Variants in CNBD2 observed in about 807,000 individuals in gnomAD.
CNBD2 encodes cyclic nucleotide-binding domain-containing protein 2.
CNBD2 carries 64 observed loss-of-function variants against 63.7 expected under a neutral mutation model. The observed-to-expected ratio is 1.00, with a 90% CI of 0.82 to 1.24. CNBD2 has a LOEUF of 1.24. Ranked by LOEUF, CNBD2 falls within the 50% of genes most tolerant of loss-of-function variation. The pLI is 0.00. For missense variants in CNBD2, 691 were observed against 713.5 expected (o/e 0.97, Z 0.36); for synonymous variants, 229 against 255.4 (o/e 0.90, Z 0.99).
At chr20:35,982,299 C>T (rs896518717) in intron 4 of CNBD2, among the ~76,000 whole-genome samples, 2 of 152,054 alleles carry the variant, frequency 1.3e-5, no homozygotes, top group Non-Finnish European at 2.9e-5. Flanking sequence ...CTTTTTTTTA[C>T]CCATTGTCTC....
At chr20:36,021,960 GTGGC>G (rs2057215012) in intron 10 of CNBD2, among the ~76,000 whole-genome samples, 1 of 152,008 alleles carries the variant, frequency 6.6e-6, no homozygotes, top group Non-Finnish European at 1.5e-5. Flanking sequence ...TGTGGGGTGG[GTGGC>G]TGCAAAGATA....
chr20:35,998,594 C>T (rs1227414689), intron 8 of CNBD2, among the ~76,000 whole-genome samples: 3 of 151,796 alleles, frequency 2.0e-5, no homozygotes, highest in Non-Finnish European at 4.4e-5. Flanking sequence ...TAGAGGCTGG[C>T]GTGGTGGTTC....
upstream of CNBD2, chr20:35,968,534 C>G (rs1025888636): frequency 2.2e-6 from 1 of 449,346 alleles, no homozygotes; most frequent in Non-Finnish European, 4.1e-6. Context: ...CCCTGTGTCC[C>G]CTGCCTCCAG....
chr20:36,016,433 G>A (rs1350091329), intron 10 of CNBD2, among the ~76,000 whole-genome samples: 2 of 152,180 alleles, frequency 1.3e-5, no homozygotes, highest in Non-Finnish European at 2.9e-5. Flanking sequence ...TGGATGTGGG[G>A]TATATGGGGA....
chr20:36,011,447 G>A (rs911773092), intron 10 of CNBD2, among the ~76,000 whole-genome samples, 190 bp downstream of exon 10: 1 of 152,206 alleles, frequency 6.6e-6, no homozygotes, highest in African/African-American at 2.4e-5. Flanking sequence ...AGCACTATGA[G>A]AGGCCGAGGT....
intron 8 of CNBD2, among the ~76,000 whole-genome samples, chr20:36,001,558 G>C (rs1012979837): frequency 4.6e-5 from 7 of 151,250 alleles, no homozygotes; most frequent in Non-Finnish European, 1.0e-4. Flanking sequence ...TCACTTCCCA[G>C]ACGGGGTGGC....
intron 2 of CNBD2, 108 bp downstream of exon 2, chr20:35,972,874 C>A: frequency 9.4e-7 from 1 of 1,061,764 alleles, no homozygotes; most frequent in Non-Finnish European, 1.4e-6. Flanking sequence ...AAAGGAAAAG[C>A]AGATGAGAGA....
intron 5 of CNBD2, 136 bp from the exon 6 acceptor site, chr20:35,984,491 T>C (rs1356556387): frequency 2.3e-5 from 21 of 902,224 alleles, no homozygotes; most frequent in Non-Finnish European, 3.2e-5. Context: ...TGCAGGAGAA[T>C]AGAGGAGGCT....
intron 2 of CNBD2, 198 bp downstream of exon 2, chr20:35,972,964 A>T: frequency 1.7e-6 from 1 of 598,456 alleles, no homozygotes; most frequent in South Asian, 2.2e-5. Flanking sequence ...TTTACCTAAT[A>T]CTGAACCCCA....
At chr20:35,965,302 C>T (rs6141582), upstream of CNBD2, among the ~76,000 whole-genome samples, 5 of 151,826 alleles carry the variant, frequency 3.3e-5, no homozygotes, top group East Asian at 1.9e-4. Context: ...CTCAGCCTCC[C>T]GAGTAGCTGG....
At chr20:35,976,101 G>T in intron 3 of CNBD2, 99 bp downstream of exon 3, 1 of 1,076,906 alleles carries the variant, frequency 9.3e-7, no homozygotes, top group Admixed American at 1.9e-5. Flanking sequence ...TTTCAGTCTA[G>T]GCTCTGCCAC....
chr20:35,975,920 C>T (rs1169498758), intron 2 of CNBD2, 29 bp from the exon 3 acceptor site: 5 of 1,605,634 alleles, frequency 3.1e-6, no homozygotes, highest in Non-Finnish European at 4.3e-6. Context: ...TGCTGATTCT[C>T]CCTCTTCTCC....
intron 8 of CNBD2, among the ~76,000 whole-genome samples, chr20:36,003,188 T>C (rs903592308): frequency 3.9e-5 from 6 of 152,200 alleles, no homozygotes; most frequent in African/African-American, 1.4e-4. Flanking sequence ...TATTTTTTCC[T>C]TGGAATATAA....
At chr20:36,005,353 A>G (rs776556625) in intron 8 of CNBD2, among the ~76,000 whole-genome samples, 1 of 152,144 alleles carries the variant, frequency 6.6e-6, no homozygotes, top group Non-Finnish European at 1.5e-5. Flanking sequence ...TTGTGCTCCT[A>G]TGAGACTCTA....
upstream of CNBD2, among the ~76,000 whole-genome samples, chr20:35,967,152 G>A (rs115327230): frequency 0.013 from 1,963 of 151,830 alleles, 41 homozygotes; most frequent in African/African-American, 0.045. Flanking sequence ...TCGACCAGGC[G>A]GTAGATAAGG....
intron 3 of CNBD2, among the ~76,000 whole-genome samples, chr20:35,979,958 G>A (rs939298072): frequency 5.3e-5 from 8 of 152,314 alleles, no homozygotes; most frequent in East Asian, 3.9e-4. Context: ...GTAGGTGAAC[G>A]TGCTGGTCCA....
chr20:35,958,984 CT>C (rs2056284425), downstream of CNBD2: 3 of 152,188 alleles, frequency 2.0e-5, no homozygotes, highest in Non-Finnish European at 4.4e-5. Flanking sequence ...GAGTAGTAAT[CT>C]ATGGTATAGA....
intron 9 of CNBD2, among the ~76,000 whole-genome samples, chr20:36,010,340 A>T (rs2057041017): frequency 1.3e-5 from 2 of 151,494 alleles, no homozygotes; most frequent in African/African-American, 4.9e-5. Context: ...GCACCCTGTG[A>T]CTTTTGAGAC....
At chr20:36,001,724 G>A (rs1270093143) in intron 8 of CNBD2, among the ~76,000 whole-genome samples, 2 of 150,824 alleles carry the variant, frequency 1.3e-5, no homozygotes, top group East Asian at 2.0e-4. Context: ...AGACGGGGTC[G>A]CGGCCGGGTA....
Sources: gnomAD v4.1 joint callset for allele counts (sites outside exome capture counted in the v4.1 genomes callset) on GRCh38, gnomAD v4.1.1 for gene constraint, MANE v1.5 for transcripts, NCBI Gene and HGNC (gene_info 2026-07-23, HGNC 2026-07-21) for gene names.